The following TGFA variants were observed in gnomAD, a reference collection of about 807,000 sequenced individuals.
The protein encoded by TGFA is transforming growth factor alpha.
Under a neutral mutation model 21.7 loss-of-function variants are expected in TGFA, and 12 were observed. The ratio of observed to expected loss-of-function variants is 0.55; its 90% confidence interval spans 0.35 to 0.90. TGFA has a LOEUF of 0.90. TGFA is among the 40% of genes least tolerant of loss of function. TGFA has a pLI of 0.01. For missense variants in TGFA, 178 were observed against 210.8 expected, an observed-to-expected ratio of 0.84 and a Z score of 0.96; for synonymous variants, 79 against 88.1, an observed-to-expected ratio of 0.90 and a Z score of 0.58.
At chr2:70,461,522 T>C (rs1313074011) in intron 3 of TGFA, 1 of 152,246 alleles carries the variant, frequency 6.6e-6, no homozygotes, top group Non-Finnish European at 1.5e-5. Flanking sequence ...TGACAGGAAT[T>C]TGCTTTCATA....
chr2:70,551,954 C>T (rs1553506894), intron 1 of TGFA, among the ~76,000 whole-genome samples: 1 of 152,050 alleles, frequency 6.6e-6, no homozygotes, highest in Non-Finnish European at 1.5e-5. Flanking sequence ...CTCAAATGTG[C>T]TTATCTTCAT....
intron 1 of TGFA, among the ~76,000 whole-genome samples, chr2:70,533,765 A>T (rs1243430560): frequency 1.3e-5 from 2 of 152,202 alleles, no homozygotes; most frequent in African/African-American, 4.8e-5. Context: ...GCTTCAAGTA[A>T]TTCAGAGATG....
chr2:70,457,933 G>T (rs1670288443), intron 3 of TGFA, among the ~76,000 whole-genome samples: 1 of 152,124 alleles, frequency 6.6e-6, no homozygotes, highest in Non-Finnish European at 1.5e-5. Flanking sequence ...ACATGGCAGT[G>T]ATAGCTAAAC....
chr2:70,526,033 AC>A (rs1327276570), intron 1 of TGFA, among the ~76,000 whole-genome samples: 20 of 152,178 alleles, frequency 1.3e-4, no homozygotes, highest in African/African-American at 4.8e-4. Flanking sequence ...GGGCAGATGT[AC>A]CCAAAACTCA....
intron 2 of TGFA, among the ~76,000 whole-genome samples, chr2:70,468,108 C>T (rs1033763792): frequency 1.1e-4 from 17 of 152,252 alleles, no homozygotes; most frequent in African/African-American, 3.9e-4. Flanking sequence ...CTCCTGTTGT[C>T]ACCACTGACA....
chr2:70,471,740 G>A (rs1670757554), intron 2 of TGFA, among the ~76,000 whole-genome samples: 1 of 152,124 alleles, frequency 6.6e-6, no homozygotes, highest in Non-Finnish European at 1.5e-5. Context: ...GTCGAGGCAG[G>A]GTAGGCGGCC....
intron 3 of TGFA, among the ~76,000 whole-genome samples, chr2:70,462,472 TG>T (rs1670434393): frequency 1.3e-5 from 2 of 152,068 alleles, no homozygotes; most frequent in African/African-American, 4.8e-5. Flanking sequence ...CAGGGACCAG[TG>T]TCATGTTGCT....
intron 1 of TGFA, among the ~76,000 whole-genome samples, chr2:70,521,606 G>GTTTTTTTTTTTTTTTT (rs1559133439): frequency 1.0e-5 from 1 of 98,222 alleles, no homozygotes; most frequent in Admixed American, 1.2e-4. Context: ...TTTTTTTGTT[G>GTTTTTTTTTTTTTTTT]TTGTTTGTTT....
At chr2:70,547,695 T>C (rs1252414080) in intron 1 of TGFA, among the ~76,000 whole-genome samples, 1 of 148,384 alleles carries the variant, frequency 6.7e-6, no homozygotes, top group Non-Finnish European at 1.5e-5. Flanking sequence ...AGTATAAAAA[T>C]AGAATAAGTA....
intron 2 of TGFA, among the ~76,000 whole-genome samples, chr2:70,471,107 G>GCCCCC (rs1290386793): frequency 3.4e-5 from 4 of 117,952 alleles, no homozygotes; most frequent in African/African-American, 1.5e-4. Flanking sequence ...TCTCCTCCCC[G>GCCCCC]CACCCCCCCC....
chr2:70,507,407 C>T (rs1671959024), intron 2 of TGFA, among the ~76,000 whole-genome samples: 1 of 152,224 alleles, frequency 6.6e-6, no homozygotes, highest in African/African-American at 2.4e-5. Flanking sequence ...GTTCGAGTTA[C>T]ATCATCCAAT....
At chr2:70,515,180 G>C (rs938688516) in intron 1 of TGFA, among the ~76,000 whole-genome samples, 3 of 152,054 alleles carry the variant, frequency 2.0e-5, no homozygotes, top group Middle Eastern at 3.2e-3. Flanking sequence ...CATCTGTCAG[G>C]GTGGTTTTGG....
At chr2:70,453,755 G>A (rs1553490038) in intron 4 of TGFA, among the ~76,000 whole-genome samples, 1 of 152,216 alleles carries the variant, frequency 6.6e-6, no homozygotes, top group Non-Finnish European at 1.5e-5. Flanking sequence ...TTTAGGAAGA[G>A]GTTATTCATC....
chr2:70,531,471 T>G (rs1672812793), intron 1 of TGFA, among the ~76,000 whole-genome samples: 1 of 152,240 alleles, frequency 6.6e-6, no homozygotes, highest in South Asian at 2.1e-4. Context: ...GCAACATAAG[T>G]GGGGACACCT....
intron 2 of TGFA, among the ~76,000 whole-genome samples, chr2:70,489,482 G>A (rs941317688): frequency 6.6e-6 from 1 of 152,220 alleles, no homozygotes; most frequent in East Asian, 1.9e-4. Flanking sequence ...CCCATTCAAG[G>A]CGGGGGCGCC....
At chr2:70,461,485 A>C (rs575123986) in intron 3 of TGFA, 52 of 152,376 alleles carry the variant, frequency 3.4e-4, no homozygotes, top group African/African-American at 1.3e-3. Flanking sequence ...GTCTGTGGCC[A>C]GGGCCAGGTG....
intron 4 of TGFA, among the ~76,000 whole-genome samples, chr2:70,454,854 C>T (rs1336898988): frequency 6.6e-6 from 1 of 152,198 alleles, no homozygotes; most frequent in African/African-American, 2.4e-5. Context: ...TGTTTCCAGA[C>T]AATCTGCCAA....
intron 2 of TGFA, among the ~76,000 whole-genome samples, chr2:70,474,791 G>A (rs3771507): frequency 0.27 from 40,797 of 152,118 alleles, 6,122 homozygotes; most frequent in East Asian, 0.39. Flanking sequence ...ATGCTGTAGG[G>A]GAAACCTAAG....
At chr2:70,487,288 C>G (rs1183316777) in intron 2 of TGFA, among the ~76,000 whole-genome samples, 1 of 152,154 alleles carries the variant, frequency 6.6e-6, no homozygotes, top group Non-Finnish European at 1.5e-5. Flanking sequence ...TTCCCCAACT[C>G]AATTAAGTAT....
Sources: allele counts gnomAD v4.1 joint callset (sites outside exome capture counted in the v4.1 genomes callset), GRCh38; gene constraint gnomAD v4.1.1; transcripts MANE v1.5; gene names NCBI Gene and HGNC (gene_info 2026-07-23, HGNC 2026-07-21).